Variants in PTPRQ observed in about 807,000 individuals in gnomAD.
PTPRQ encodes the protein phosphatidylinositol phosphatase PTPRQ.
Under a neutral mutation model 246.0 loss-of-function variants are expected in PTPRQ, and 199 were observed. The observed-to-expected ratio is 0.81, with a 90% CI of 0.72 to 0.91. The LOEUF (loss-of-function observed/expected upper bound fraction) is 0.91, where lower values mean the gene tolerates loss of function less well. Among genes scored for constraint, PTPRQ ranks in the 40% least tolerant of loss-of-function variants. The pLI is 0.00. For synonymous variants in PTPRQ, 869 were observed against 853.2 expected (o/e 1.02, Z -0.32); for missense variants, 2,624 against 2,528.4 (o/e 1.04, Z -0.81).
rs560624833 is a variant in PTPRQ, at chr12:80,634,949, C to T, written c.5791C>T (p.Arg1931Ter). The T allele has an allele frequency of 2.6e-6, 4 of 1,549,978 alleles. No individual in the cohort carries two copies. The highest frequency in any genetic ancestry group is 2.4e-5 in the South Asian group (2 of 83,766). ...GTAIFAFARIRQKQKEGGTYS... is the reference protein window; with the variant it reads ...GTAIFAFARI Reference sequence around the variant, plus strand: ...ACTTTACTCCGCTTGTTTTAGAATTCGACAGAAGCAGAAAGAAGGTGGCAC... The same window carrying T: ...ACTTTACTCCGCTTGTTTTAGAATTTGACAGAAGCAGAAAGAAGGTGGCAC... Residue 1931 changes from arginine to a stop codon, truncating the protein, a stop_gained, in exon 35 of 45, where the codon CGA (arginine) becomes TGA (stop). Coordinates refer to ENST00000644991, the MANE Select transcript of PTPRQ (RefSeq NM_001145026.2). LOFTEE classifies it high-confidence loss of function.
intron 17 of PTPRQ, among the ~76,000 whole-genome samples, chr12:80,527,812 A>T (rs970612562): frequency 1.3e-5 from 2 of 151,578 alleles, no homozygotes; most frequent in Non-Finnish European, 2.9e-5. Context: ...ATAACTACAG[A>T]TATCTAAAAA....
chr12:80,599,386 A>C (rs973316706), intron 26 of PTPRQ, among the ~76,000 whole-genome samples: 1 of 151,974 alleles, frequency 6.6e-6, no homozygotes, highest in African/African-American at 2.4e-5. Flanking sequence ...GACTAGATTC[A>C]TTTCACAAAC....
chr12:80,579,863 T>G (rs969042172), intron 25 of PTPRQ, among the ~76,000 whole-genome samples: 3 of 152,148 alleles, frequency 2.0e-5, no homozygotes, highest in African/African-American at 7.2e-5. Context: ...TTGGGAAGAT[T>G]GGGTTGATAA....
At chr12:80,627,502 T>C (rs1464625880) in intron 33 of PTPRQ, among the ~76,000 whole-genome samples, 1 of 151,838 alleles carries the variant, frequency 6.6e-6, no homozygotes, top group African/African-American at 2.4e-5. Flanking sequence ...CATTGTACTA[T>C]GAGCTTTATA....
chr12:80,668,273 C>A (rs1195291418), intron 39 of PTPRQ, among the ~76,000 whole-genome samples: 1 of 151,686 alleles, frequency 6.6e-6, no homozygotes, highest in Non-Finnish European at 1.5e-5. Flanking sequence ...GGTAAATAGA[C>A]CAAATTTCAG....
intron 14 of PTPRQ, among the ~76,000 whole-genome samples, chr12:80,499,210 C>T (rs529974588): frequency 6.6e-6 from 1 of 152,064 alleles, no homozygotes; most frequent in South Asian, 2.1e-4. Context: ...GAAGGGGAAA[C>T]CAACATATCC....
intron 25 of PTPRQ, among the ~76,000 whole-genome samples, chr12:80,570,222 C>T (rs1897105568): frequency 6.6e-6 from 1 of 152,214 alleles, no homozygotes; most frequent in African/African-American, 2.4e-5. Flanking sequence ...GTTCCTGTTT[C>T]TCCACATCCT....
intron 26 of PTPRQ, among the ~76,000 whole-genome samples, chr12:80,592,486 A>G (rs1407953172): frequency 6.6e-6 from 1 of 152,166 alleles, no homozygotes; most frequent in Non-Finnish European, 1.5e-5. Flanking sequence ...GGAACTGCAT[A>G]TATTATTGCA....
chr12:80,577,238 A>G (rs1897299202), intron 25 of PTPRQ, among the ~76,000 whole-genome samples: 2 of 152,252 alleles, frequency 1.3e-5, no homozygotes, highest in Non-Finnish European at 2.9e-5. Context: ...AAAGAAGTTT[A>G]AGTGACTCAC....
intron 8 of PTPRQ, among the ~76,000 whole-genome samples, chr12:80,482,874 C>G (rs1894121663): frequency 7.7e-6 from 1 of 129,452 alleles, no homozygotes; most frequent in Non-Finnish European, 1.6e-5. Flanking sequence ...AGTCAGGAAA[C>G]AACAGGTGCT....
chr12:80,634,968 G>A lies in PTPRQ; in HGVS notation c.5810G>A (p.Gly1937Asp), dbSNP rs1241981401. The change falls in exon 35 of 45, where the codon GGT becomes GAT. Residue 1937 changes from glycine to aspartate, a missense_variant. By Grantham distance (94) the Gly-to-Asp change is moderately conservative. Transcript: ENST00000644991. ...FARIRQKQKEGGTYSPQDAEI... is the reference protein window; with the variant it reads ...FARIRQKQKEDGTYSPQDAEI... Reference sequence around the variant, plus strand: ...AGAATTCGACAGAAGCAGAAAGAAGGTGGCACATACTCTCCTCAGGATGCA... The same window carrying A: ...AGAATTCGACAGAAGCAGAAAGAAGATGGCACATACTCTCCTCAGGATGCA... The A allele has an allele frequency of 6.4e-7, 1 of 1,550,826 alleles. No homozygotes were observed. The highest frequency in any genetic ancestry group is 8.7e-7 in the Non-Finnish European group (1 of 1,146,552).
intron 17 of PTPRQ, among the ~76,000 whole-genome samples, chr12:80,518,609 G>A (rs1000924374): frequency 7.9e-5 from 12 of 152,014 alleles, no homozygotes; most frequent in South Asian, 6.2e-4. Flanking sequence ...CATAGTTTGA[G>A]GTCTTAGATT....
chr12:80,595,097 C>A (rs1234984937), intron 26 of PTPRQ, among the ~76,000 whole-genome samples: 1 of 152,126 alleles, frequency 6.6e-6, no homozygotes, highest in African/African-American at 2.4e-5. Flanking sequence ...TTTCTTTCCT[C>A]CTCTTCTGGT....
intron 25 of PTPRQ, among the ~76,000 whole-genome samples, chr12:80,578,105 A>G (rs930751138): frequency 6.6e-6 from 1 of 151,290 alleles, no homozygotes; most frequent in South Asian, 2.1e-4. Context: ...GTTTTAGGGT[A>G]CATGTGCACA....
At chr12:80,672,429 G>T (rs1900998832) in intron 42 of PTPRQ, among the ~76,000 whole-genome samples, 2 of 151,618 alleles carry the variant, frequency 1.3e-5, no homozygotes, top group African/African-American at 2.4e-5. Context: ...TACAAAAATG[G>T]CAGTTTCATG....
In PTPRQ at chr12:80,649,656, A is replaced by G. The variant is rs1275661099; in HGVS notation, c.6011A>G (p.Gln2004Arg). 1.3e-6 allele frequency: 2 copies of G among 1,548,842 alleles called. No homozygotes were observed. Among genetic ancestry groups the G allele is most frequent in the Admixed American group, 2.0e-5 (1 of 50,750 alleles). Residue 2004 changes from glutamine (Q) to arginine (R), a missense_variant, in exon 37 of 45, where the codon CAA becomes CGA. Transcript: ENST00000644991. ...ELCTNNNLKF[Q>R]EEFSELPKFL... ...TGCACAAACAACAACCTAAAGTTTC[A>G]AGAAGAATTTTCGGTATGTTACTAG...
intron 43 of PTPRQ, 84 bp from the exon 44 acceptor site, chr12:80,678,518 C>G (rs1022604471): frequency 7.2e-7 from 1 of 1,393,046 alleles, no homozygotes; most frequent in African/African-American, 1.5e-5. Flanking sequence ...GAATTCAGTA[C>G]TGCTTTTAGC....
chr12:80,583,887 C>G (rs1459860798), intron 25 of PTPRQ: 1 of 152,162 alleles, frequency 6.6e-6, no homozygotes, highest in Admixed American at 6.5e-5. Context: ...ATTGAGAGCC[C>G]CTTCCCTGGC....
chr12:80,506,478 A>G (rs1198450881), intron 15 of PTPRQ, 91 bp from the exon 16 acceptor site: 1 of 1,061,236 alleles, frequency 9.4e-7, no homozygotes, highest in Non-Finnish European at 1.3e-6. Context: ...TTTTTGGAAG[A>G]TTGTGTTGAC....
Sources: gnomAD v4.1 joint callset for allele counts (sites outside exome capture counted in the v4.1 genomes callset) on GRCh38, gnomAD v4.1.1 for gene constraint, MANE v1.5 for transcripts, NCBI Gene and HGNC (gene_info 2026-07-23, HGNC 2026-07-21) for gene names.